Variants in TLK1 observed in about 807,000 individuals in gnomAD.
The protein encoded by TLK1 is serine/threonine-protein kinase tousled-like 1.
Under a neutral mutation model 105.3 loss-of-function variants are expected in TLK1, and 24 were observed. That is an observed-to-expected ratio of 0.23 (90% CI 0.17 to 0.32). TLK1 has a LOEUF of 0.32. Ranked by LOEUF, TLK1 falls within the 10% of genes least tolerant of loss-of-function variation. TLK1 has a pLI of 1.00. For missense variants in TLK1, 558 were observed against 910.5 expected (o/e 0.61, Z 4.98); for synonymous variants, 321 against 310.4 (o/e 1.03, Z -0.36).
chr2:171,103,387 C>T lies in TLK1; in HGVS notation c.258+14352G>A, dbSNP rs534761354. ...CCGCCTCCTGGGTTCAAGCAATTCTCCTGCCTCGGATTCCTGAGTAGATGG... is the reference window on the plus strand; with the variant it reads ...CCGCCTCCTGGGTTCAAGCAATTCTTCTGCCTCGGATTCCTGAGTAGATGG... On this transcript the variant is annotated intron_variant, in intron 2 of 20. Coordinates refer to ENST00000431350, the MANE Select transcript of TLK1 (RefSeq NM_012290.5). Among the ~76,000 whole-genome samples, 131 of 151,906 alleles carry T rather than the reference C, an allele frequency of 8.6e-4. 2 individuals are homozygous for T. Among genetic ancestry groups the T allele is most frequent in the Admixed American group, 2.7e-3 (41 of 15,252 alleles).
chr2:171,115,290 G>A (rs1017296876), intron 2 of TLK1, among the ~76,000 whole-genome samples: 1 of 150,398 alleles, frequency 6.6e-6, no homozygotes, highest in Non-Finnish European at 1.5e-5. Context: ...TCCTGCCTCA[G>A]CCTCCCGAGT....
At chr2:171,146,145 T>C (rs1691781625) in intron 1 of TLK1, among the ~76,000 whole-genome samples, 1 of 152,200 alleles carries the variant, frequency 6.6e-6, no homozygotes, top group African/African-American at 2.4e-5. Flanking sequence ...CAGTAACTTT[T>C]AAAGACTTAT....
chr2:171,087,164 G>C (rs1689016528), intron 2 of TLK1, among the ~76,000 whole-genome samples: 1 of 152,138 alleles, frequency 6.6e-6, no homozygotes, highest in Non-Finnish European at 1.5e-5. Context: ...ACAAGAAAAA[G>C]TGACCCATAC....
intron 2 of TLK1, among the ~76,000 whole-genome samples, chr2:171,103,537 T>G (rs772735105): frequency 2.6e-5 from 4 of 152,046 alleles, no homozygotes; most frequent in Non-Finnish European, 5.9e-5. Flanking sequence ...CCACCGCTCT[T>G]GACCTCAAAT....
At chr2:171,114,434 T>C in intron 2 of TLK1, among the ~76,000 whole-genome samples, 1 of 152,190 alleles carries the variant, frequency 6.6e-6, no homozygotes. Context: ...CTTTCCAGAC[T>C]GTTGTCAGAG....
At chr2:171,081,241 A>T (rs2217151) in intron 3 of TLK1, among the ~76,000 whole-genome samples, 7,720 of 152,208 alleles carry the variant, frequency 0.051, 578 homozygotes, top group African/African-American at 0.16. Flanking sequence ...CCAAATATTA[A>T]ATCTATAACT....
chr2:171,042,632 G>A (rs559868957), intron 11 of TLK1, among the ~76,000 whole-genome samples: 2 of 151,814 alleles, frequency 1.3e-5, no homozygotes, highest in East Asian at 3.9e-4. Context: ...AGATAAAACA[G>A]TGAAATAAAT....
intron 2 of TLK1, among the ~76,000 whole-genome samples, chr2:171,114,989 T>C (rs543942773): frequency 6.6e-6 from 1 of 152,262 alleles, no homozygotes; most frequent in South Asian, 2.1e-4. Flanking sequence ...ATAATAAATT[T>C]GTGTTATCTT....
At chr2:171,019,822 C>T (rs1443011053) in intron 12 of TLK1, among the ~76,000 whole-genome samples, 1 of 152,090 alleles carries the variant, frequency 6.6e-6, no homozygotes, top group Non-Finnish European at 1.5e-5. Flanking sequence ...CTTTGGGAAG[C>T]CAAGGCCGGT....
intron 1 of TLK1, among the ~76,000 whole-genome samples, chr2:171,223,019 T>G (rs1372678707): frequency 1.3e-5 from 2 of 152,126 alleles, no homozygotes; most frequent in Non-Finnish European, 2.9e-5. Flanking sequence ...TTCACCATAT[T>G]AGCCAGGCTC....
At chr2:171,049,359 A>T (rs1687121398) in intron 10 of TLK1, among the ~76,000 whole-genome samples, 2 of 152,228 alleles carry the variant, frequency 1.3e-5, no homozygotes, top group South Asian at 4.1e-4. Context: ...TTAACTGATA[A>T]ATCAGTTATT....
intron 3 of TLK1, among the ~76,000 whole-genome samples, chr2:171,077,499 C>T (rs1688565708): frequency 6.6e-6 from 1 of 152,202 alleles, no homozygotes; most frequent in Admixed American, 6.5e-5. Context: ...TCGCTATTTC[C>T]TCACTTTCTA....
chr2:171,158,139 A>T (rs1223534341), intron 1 of TLK1, among the ~76,000 whole-genome samples: 1 of 152,212 alleles, frequency 6.6e-6, no homozygotes, highest in African/African-American at 2.4e-5. Flanking sequence ...GAAATCTGAG[A>T]ACACATCGCC....
chr2:171,006,103 G>A (rs1217288097), intron 18 of TLK1, 44 bp downstream of exon 18: 24 of 1,460,668 alleles, frequency 1.6e-5, no homozygotes, highest in Non-Finnish European at 2.1e-5. Flanking sequence ...TAAAAGCACT[G>A]GGCACCAATC....
Position 171,160,411 on chromosome 2 carries a change from G to A in TLK1, c.18C>T (p.Ser6=). 1.9e-6 allele frequency: 3 copies of A among 1,603,298 alleles called. No homozygotes were observed. Among genetic ancestry groups the A allele is most frequent in the Non-Finnish European group, 2.6e-6 (3 of 1,175,484 alleles). Residue 6 remains serine (S), a synonymous_variant, in exon 1 of 21, where the codon AGC becomes AGT. Coordinates refer to ENST00000431350, the MANE Select transcript of TLK1 (RefSeq NM_012290.5). This position sits in a 1 kb window ranked among gnomAD's most constrained non-coding sequence, Gnocchi z 4.4. MSVQS[S]SGSLEGPPSW... ...ATGGCGGCCCCTCCAAACTTCCACT[G>A]CTACTTTGGACACTCATCAAGCTAC...
intron 18 of TLK1, among the ~76,000 whole-genome samples, chr2:170,999,783 CG>C (rs1442317002): frequency 6.6e-6 from 1 of 151,600 alleles, no homozygotes; most frequent in Non-Finnish European, 1.5e-5. Flanking sequence ...TTTTTGAGAC[CG>C]GGTCTCACTG....
chr2:171,185,472 A>G (rs191139228), intron 1 of TLK1, among the ~76,000 whole-genome samples: 4 of 152,258 alleles, frequency 2.6e-5, no homozygotes, highest in East Asian at 1.9e-4. Context: ...GTTATCTCCT[A>G]CTAGATACCA....
At chr2:171,088,902 T>C (rs970032465) in intron 2 of TLK1, among the ~76,000 whole-genome samples, 1 of 152,190 alleles carries the variant, frequency 6.6e-6, no homozygotes, top group East Asian at 1.9e-4. Flanking sequence ...ATACATGAAA[T>C]AGCTCAAACA....
intron 2 of TLK1, among the ~76,000 whole-genome samples, chr2:171,101,199 A>G (rs1558942093): frequency 6.6e-6 from 1 of 152,188 alleles, no homozygotes; most frequent in East Asian, 1.9e-4. Flanking sequence ...TACAAAAATT[A>G]GCCAGAAGTG....
Sources: gnomAD v4.1 joint callset for allele counts (sites outside exome capture counted in the v4.1 genomes callset) on GRCh38, gnomAD v4.1.1 for gene constraint, Gnocchi (gnomAD v3.1) non-coding constraint, MANE v1.5 for transcripts, NCBI Gene and HGNC (gene_info 2026-07-23, HGNC 2026-07-21) for gene names.